SLC9A5: variants seen among roughly 807,000 people sequenced by gnomAD.
SLC9A5 encodes sodium/hydrogen exchanger 5.
In SLC9A5, 52 loss-of-function variants were observed where a neutral mutation model predicts 91.7. The observed-to-expected ratio is 0.57, with a 90% CI of 0.45 to 0.71. SLC9A5 has a LOEUF of 0.71. Among genes scored for constraint, SLC9A5 ranks in the 30% least tolerant of loss-of-function variants. The pLI is 0.00. For synonymous variants in SLC9A5, 419 were observed against 474.5 expected (o/e 0.88, Z 1.52); for missense variants, 871 against 1,158.9 (o/e 0.75, Z 3.61).
Position 67,259,635 on chromosome 16 carries a change from G to C in SLC9A5, c.1689G>C (p.Val563=), listed in dbSNP as rs2035454009. 6.2e-7 allele frequency: 1 copy of C among 1,614,106 alleles called. No homozygotes were observed. The highest frequency in any genetic ancestry group is 1.3e-5 in the African/African-American group (1 of 75,028). Reference sequence around the variant, plus strand: ...CTTCTATGCCCAGCCGCAATTCTGTGGCAGAAACTTCTGTCACCAACCTGC... The same window carrying C: ...CTTCTATGCCCAGCCGCAATTCTGTCGCAGAAACTTCTGTCACCAACCTGC... The part of the protein sequence containing the change: ...TLPSMPSRNS[V]AETSVTNLLR... Residue 563 remains valine (V), a synonymous_variant, in exon 11 of 16, where the codon GTG becomes GTC. Transcript: ENST00000299798.
chr16:67,259,951 G>C lies in SLC9A5; in HGVS notation c.1842+5G>C, dbSNP rs1243197174. 12 of 1,613,420 alleles carry C rather than the reference G, an allele frequency of 7.4e-6. No homozygotes were observed. Among genetic ancestry groups the C allele is most frequent in the Non-Finnish European group, 1.0e-5 (12 of 1,179,704 alleles). ...CTCTACAAGCCGCGCCGTAGGGTGA[G>C]AGCAGGCAGGCATCAGGATTTTGAG... is the stretch of plus-strand genomic sequence containing the variant. On this transcript the variant is annotated splice_donor_5th_base_variant and intron_variant, in intron 12 of 15. Coordinates refer to ENST00000299798, the MANE Select transcript of SLC9A5 (RefSeq NM_004594.3).
chr16:67,269,163 C>T (rs2035839245), intron 15 of SLC9A5, among the ~76,000 whole-genome samples: 1 of 152,092 alleles, frequency 6.6e-6, no homozygotes, highest in African/African-American at 2.4e-5. Flanking sequence ...GTGGCTCACA[C>T]CTATAATTCC....
chr16:67,259,361 C>CAAAAAAAA (rs764650700), intron 10 of SLC9A5, among the ~76,000 whole-genome samples: 6 of 43,360 alleles, frequency 1.4e-4, no homozygotes, highest in Non-Finnish European at 3.2e-4. Flanking sequence ...GACTCTGTCT[C>CAAAAAAAA]AAAAAAAAAA....
chr16:67,255,725 T>A lies in SLC9A5; in HGVS notation c.734-28T>A, dbSNP rs2035290963. 7 of 1,535,302 alleles carry A rather than the reference T, an allele frequency of 4.6e-6. No individual in the cohort carries two copies. Among genetic ancestry groups the A allele is most frequent in the Non-Finnish European group, 6.1e-6 (7 of 1,139,288 alleles). On this transcript the variant is annotated intron_variant, in intron 4 of 15. Coordinates refer to ENST00000299798, the MANE Select transcript of SLC9A5 (RefSeq NM_004594.3). The surrounding 1 kb of genome is among the most constrained non-coding windows in gnomAD (Gnocchi z 4.9). ...GCCCGGGTAGGGTCCGGGCCAGGGG[T>A]CATGCTGACAACCCACTCCTCCCCC...
In SLC9A5 at chr16:67,257,663, G is replaced by A; in HGVS notation, c.1496+62G>A. 6.5e-7 allele frequency: 1 copy of A among 1,543,352 alleles called. No homozygotes were observed. Among genetic ancestry groups the A allele is most frequent in the Non-Finnish European group, 9.0e-7 (1 of 1,116,770 alleles). The stretch of plus-strand genomic sequence containing the variant: ...AGCCCCACCAGCCAGGGAAGCATGG[G>A]GGATGTGCCACACTTCTGAGAAGGG... On this transcript the variant is annotated intron_variant, in intron 9 of 15. Transcript: ENST00000299798. This position sits in a 1 kb window ranked among gnomAD's most constrained non-coding sequence, Gnocchi z 5.1.
intron 15 of SLC9A5, among the ~76,000 whole-genome samples, chr16:67,267,081 G>GT (rs980874306): frequency 0.16 from 7,676 of 47,784 alleles, 781 homozygotes; most frequent in African/African-American, 0.22. Context: ...CCCAGCTGTT[G>GT]TTTTTTTTTT....
intron 10 of SLC9A5, 58 bp from the exon 11 acceptor site, chr16:67,259,513 CCT>C (rs1194456438): frequency 5.0e-6 from 6 of 1,208,078 alleles, no homozygotes; most frequent in Non-Finnish European, 7.4e-6. Context: ...CTTTATTACC[CCT>C]GACTCCTGGG....
At position 67,258,233 on chromosome 16, in the gene SLC9A5, A is replaced by G; in HGVS notation, c.1497-85A>G. The G allele has an allele frequency of 6.9e-7, 1 of 1,449,434 alleles. No homozygotes were observed. Among genetic ancestry groups the G allele is most frequent in the Non-Finnish European group, 9.6e-7 (1 of 1,045,098 alleles). The allele number at this position is 1,449,434 out of a possible 1,614,324, so 89.8% of individuals were successfully genotyped here. A position where few individuals can be genotyped will look rare whatever the true frequency, so the allele number is the denominator to read the frequency against. On this transcript the variant is annotated intron_variant, in intron 9 of 15. Coordinates refer to ENST00000299798, the MANE Select transcript of SLC9A5 (RefSeq NM_004594.3). This position sits in a 1 kb window ranked among gnomAD's most constrained non-coding sequence, Gnocchi z 4.5. Reference sequence around the variant, plus strand: ...TATCTAAAAAGCCAGGCCAGTGCTGACGGTGTCCTTGCCCCGTCTGAGGAA... The same window carrying G: ...TATCTAAAAAGCCAGGCCAGTGCTGGCGGTGTCCTTGCCCCGTCTGAGGAA...
Position 67,257,261 on chromosome 16 carries a change from A to G in SLC9A5, c.1336-84A>G, listed in dbSNP as rs2035354125. 1 of 1,401,560 alleles carries G rather than the reference A, an allele frequency of 7.1e-7. No homozygotes were observed. The highest frequency in any genetic ancestry group is 1.4e-5 in the African/African-American group (1 of 70,618). 86.8% of individuals were successfully genotyped at this position (1,401,560 alleles called of 1,614,324 possible). On this transcript the variant is annotated intron_variant, in intron 7 of 15. Coordinates refer to ENST00000299798, the MANE Select transcript of SLC9A5 (RefSeq NM_004594.3). The surrounding 1 kb of genome is among the most constrained non-coding windows in gnomAD (Gnocchi z 5.1). ...TGAGTGCAGTGGGGTAGGGGTACTG[A>G]AGCTGAAGCCTCATTACGGGGAGAG...
At chr16:67,262,892 A>C (rs1305153724) in intron 12 of SLC9A5, 4 of 153,232 alleles carry the variant, frequency 2.6e-5, no homozygotes, top group African/African-American at 4.8e-5. Flanking sequence ...ACCAGCAAGA[A>C]GGCAGCACTG....
chr16:67,270,957 C>T lies in SLC9A5; in HGVS notation c.2438C>T (p.Thr813Ile), dbSNP rs773896012. 1.4e-5 allele frequency: 23 copies of T among 1,614,008 alleles called. No individual in the cohort carries two copies. The highest frequency in any genetic ancestry group is 1.9e-5 in the Non-Finnish European group (23 of 1,180,014). Residue 813 changes from threonine to isoleucine, a missense_variant, in exon 16 of 16, where the codon ACC becomes ATC. Physicochemically the swap from Thr to Ile is moderately conservative, Grantham distance 89. Transcript: ENST00000299798. This position sits in a 1 kb window ranked among gnomAD's most constrained non-coding sequence, Gnocchi z 4.3. ...SPPCNQAPIL[T>I]CLPPHPRGTE... ...CCCTGTAACCAGGCCCCAATTCTGA[C>T]CTGCCTGCCTCCCCATCCACGGGGC...
rs2035292904 is a variant in SLC9A5 at position 67,255,772 on chromosome 16, T to C, written c.753T>C (p.Ser251=). The C allele has an allele frequency of 1.3e-6, 2 of 1,582,150 alleles. No individual in the cohort carries two copies. Among genetic ancestry groups the C allele is most frequent in the South Asian group, 1.1e-5 (1 of 87,830 alleles). Residue 251 remains serine, a synonymous_variant, in exon 5 of 16, where the codon AGT becomes AGC. Transcript: ENST00000299798. The surrounding 1 kb of genome is among the most constrained non-coding windows in gnomAD (Gnocchi z 4.9). ...CCCCAGCCTCCCTGTTTGTGGTCAG[T>C]CTGGGCGGGGCAGCCGTGGGCTTAG... ...LKGVASLFVV[S]LGGAAVGLVF...
In SLC9A5 at chr16:67,270,168, T is replaced by C. The variant is rs1479427719; in HGVS notation, c.2219-570T>C. On this transcript the variant is annotated intron_variant, in intron 15 of 15. Transcript: ENST00000299798. The surrounding 1 kb of genome is among the most constrained non-coding windows in gnomAD (Gnocchi z 4.3). ...GGGGCTTCCTGCCTGGCTCCTGCTT[T>C]TGCTATCTTCTTATTTTTTATTTTT... 1.3e-5 allele frequency among the ~76,000 whole-genome samples: 2 copies of C among 152,124 alleles called. No individual in the cohort carries two copies. Among genetic ancestry groups the C allele is most frequent in the Non-Finnish European group, 2.9e-5 (2 of 68,022 alleles).
At position 67,271,052 on chromosome 16, in the gene SLC9A5, C is replaced by G. The variant is rs751640080; in HGVS notation, c.2533C>G (p.Leu845Val). ...CTCTAGCTTCGCCTTCCCACCGAGCCTGGCCAAGGCTGGCCGCTCTCGCAG... is the reference window on the plus strand; with the variant it reads ...CTCTAGCTTCGCCTTCCCACCGAGCGTGGCCAAGGCTGGCCGCTCTCGCAG... Reference protein sequence around the residue: ...PRSSFAFPPSLAKAGRSRSES... With the variant: ...PRSSFAFPPSVAKAGRSRSES... Residue 845 changes from leucine (L) to valine (V), a missense_variant, in exon 16 of 16, where the codon CTG (leucine) becomes GTG (valine). By Grantham distance (32) the Leu-to-Val change is conservative. Transcript: ENST00000299798. The G allele has an allele frequency of 6.2e-7, 1 of 1,611,708 alleles. No individual in the cohort carries two copies. The highest frequency in any genetic ancestry group is 2.2e-5 in the East Asian group (1 of 44,812).
intron 2 of SLC9A5, among the ~76,000 whole-genome samples, chr16:67,253,513 T>TTTGTTG (rs528539143): frequency 8.2e-4 from 125 of 151,956 alleles, no homozygotes; most frequent in Non-Finnish European, 1.6e-3. Context: ...GAGGTCCGTG[T>TTTGTTG]TTGTTGTTGT....
At chr16:67,268,222 G>T (rs1319625324) in intron 15 of SLC9A5, among the ~76,000 whole-genome samples, 3 of 140,780 alleles carry the variant, frequency 2.1e-5, no homozygotes, top group African/African-American at 5.3e-5. Flanking sequence ...TTGTTATGTT[G>T]CCCAGGCTAG....
intron 12 of SLC9A5, among the ~76,000 whole-genome samples, chr16:67,260,164 C>T (rs1366766363): frequency 6.6e-6 from 1 of 151,800 alleles, no homozygotes; most frequent in Non-Finnish European, 1.5e-5. Context: ...GCCTGGCCAA[C>T]ATGGTAAAAA....
At chr16:67,253,251 A>T (rs1048795280) in intron 2 of SLC9A5, among the ~76,000 whole-genome samples, 10 of 150,466 alleles carry the variant, frequency 6.6e-5, no homozygotes, top group South Asian at 2.1e-4. Context: ...TTTTATTATT[A>T]TTTTTTTTTC....
rs2035375451 is a variant in SLC9A5, at chr16:67,257,795, ATG to A, written c.1496+195_1496+196del. Among the ~76,000 whole-genome samples, 1 of 152,202 alleles carries A rather than the reference ATG, an allele frequency of 6.6e-6. No individual in the cohort carries two copies. Among genetic ancestry groups the A allele is most frequent in the African/African-American group, 2.4e-5 (1 of 41,466 alleles). ...CCCAGTGTGGCCTGCTTGGCCCTGC[ATG>A]GTTTGGCAACTGCCAGACTCCAGCC... is the stretch of plus-strand genomic sequence containing the variant. On this transcript the variant is annotated intron_variant, in intron 9 of 15. Coordinates refer to ENST00000299798, the MANE Select transcript of SLC9A5 (RefSeq NM_004594.3). The surrounding 1 kb of genome is among the most constrained non-coding windows in gnomAD (Gnocchi z 5.1).
Sources: allele counts gnomAD v4.1 joint callset (sites outside exome capture counted in the v4.1 genomes callset), GRCh38; gene constraint gnomAD v4.1.1; non-coding constraint Gnocchi (gnomAD v3.1); transcripts MANE v1.5; gene names NCBI Gene and HGNC (gene_info 2026-07-23, HGNC 2026-07-21).